Variants in WDR70 observed in about 807,000 individuals in gnomAD.
The protein encoded by WDR70 is WD repeat domain 70.
Under a neutral mutation model 88.6 loss-of-function variants are expected in WDR70, and 53 were observed. That is an observed-to-expected ratio of 0.60 (90% CI 0.48 to 0.75). The LOEUF is 0.75. Ranked by LOEUF, WDR70 falls within the 30% of genes least tolerant of loss-of-function variation. WDR70 has a pLI of 0.00. For missense variants in WDR70, 610 were observed against 823.2 expected (o/e 0.74, Z 3.17); for synonymous variants, 280 against 270.0 (o/e 1.04, Z -0.36).
At chr5:37,419,280 C>T (rs1428517698) in intron 5 of WDR70, among the ~76,000 whole-genome samples, 2 of 150,514 alleles carry the variant, frequency 1.3e-5, no homozygotes, top group African/African-American at 4.9e-5. Flanking sequence ...AATCTTGGCT[C>T]GCTGCAACTT....
chr5:37,733,257 C>A (rs931988700), intron 17 of WDR70, among the ~76,000 whole-genome samples: 4 of 152,110 alleles, frequency 2.6e-5, no homozygotes, highest in Admixed American at 1.3e-4. Flanking sequence ...CTCCTTTACT[C>A]TCTTGTAAGG....
At chr5:37,680,064 T>G (rs926196807) in intron 10 of WDR70, among the ~76,000 whole-genome samples, 9 of 152,350 alleles carry the variant, frequency 5.9e-5, no homozygotes, top group Non-Finnish European at 8.8e-5. Flanking sequence ...ATCGGCTGTT[T>G]TTTGACTTTT....
At chr5:37,501,486 T>A (rs1340023830) in intron 8 of WDR70, among the ~76,000 whole-genome samples, 3 of 152,144 alleles carry the variant, frequency 2.0e-5, no homozygotes, top group Non-Finnish European at 4.4e-5. Flanking sequence ...TATATTAACA[T>A]GGTAGCTGAT....
At chr5:37,604,259 T>C (rs955710853) in intron 9 of WDR70, among the ~76,000 whole-genome samples, 1 of 152,254 alleles carries the variant, frequency 6.6e-6, no homozygotes, top group Non-Finnish European at 1.5e-5. Context: ...ATTTTTAAAA[T>C]ATATTTTGAC....
chr5:37,693,825 G>A (rs980224856), intron 10 of WDR70, among the ~76,000 whole-genome samples: 1 of 152,180 alleles, frequency 6.6e-6, no homozygotes, highest in Non-Finnish European at 1.5e-5. Flanking sequence ...AACACCAAAA[G>A]CAATGGCAAC....
chr5:37,725,201 C>A, intron 16 of WDR70, 151 bp downstream of exon 16: 1 of 645,042 alleles, frequency 1.6e-6, no homozygotes, highest in Non-Finnish European at 2.7e-6. Flanking sequence ...TTTTTAGTAA[C>A]AGAAAAGCTG....
intron 11 of WDR70, among the ~76,000 whole-genome samples, chr5:37,698,636 G>A (rs556116031): frequency 6.6e-6 from 1 of 152,238 alleles, no homozygotes; most frequent in South Asian, 2.1e-4. Context: ...ATTATGCTAG[G>A]TGCTGGGTGT....
chr5:37,420,963 A>G (rs1561845960), intron 5 of WDR70, among the ~76,000 whole-genome samples: 1 of 152,178 alleles, frequency 6.6e-6, no homozygotes. Flanking sequence ...CATATGCACT[A>G]TAGCACCAAC....
At chr5:37,518,680 C>CTTTTTTTTTTTTTT (rs35818980) in intron 9 of WDR70, among the ~76,000 whole-genome samples, 1 of 123,734 alleles carries the variant, frequency 8.1e-6, no homozygotes, top group Non-Finnish European at 1.7e-5. Context: ...GCACAGATAT[C>CTTTTTTTTTTTTTT]TTTTTTTTTT....
chr5:37,751,414 A>C (rs1331546614), intron 17 of WDR70, among the ~76,000 whole-genome samples: 1 of 152,248 alleles, frequency 6.6e-6, no homozygotes. Flanking sequence ...AACTGGAGAG[A>C]CAGGAATAAT....
At position 37,483,265 on chromosome 5, in the gene WDR70, G is replaced by A. The variant is rs1320383111; in HGVS notation, c.840+3278G>A. 2.0e-5 allele frequency among the ~76,000 whole-genome samples: 3 copies of A among 151,886 alleles called. No homozygotes were observed. In the East Asian group the frequency reaches 5.8e-4, roughly 29 times the overall value. The stretch of plus-strand genomic sequence containing the variant: ...GACCCTGCGGCCTTCCGCAGTGTTT[G>A]TGTCCCTGGGTACTTGAGATTAGGG... On this transcript the variant is annotated intron_variant, in intron 8 of 17. Coordinates refer to ENST00000265107, the MANE Select transcript of WDR70 (RefSeq NM_018034.4).
intron 10 of WDR70, among the ~76,000 whole-genome samples, chr5:37,649,523 G>A (rs1393061158): frequency 1.3e-5 from 2 of 150,212 alleles, no homozygotes; most frequent in Non-Finnish European, 3.0e-5. Flanking sequence ...GAGATGAAGG[G>A]AGGGGGAAGC....
At chr5:37,426,842 A>G (rs1038036355) in intron 5 of WDR70, among the ~76,000 whole-genome samples, 10 of 150,770 alleles carry the variant, frequency 6.6e-5, no homozygotes, top group Non-Finnish European at 1.3e-4. Flanking sequence ...ACTGGAATAC[A>G]GTCACGGCTC....
At chr5:37,383,295 T>C (rs976651879) in intron 3 of WDR70, among the ~76,000 whole-genome samples, 1 of 152,134 alleles carries the variant, frequency 6.6e-6, no homozygotes, top group African/African-American at 2.4e-5. Flanking sequence ...AGGCCTGCTC[T>C]GTCGCCCAGG....
chr5:37,565,692 T>G lies in WDR70; in HGVS notation c.918-39372T>G, dbSNP rs571448869. On this transcript the variant is annotated intron_variant, in intron 9 of 17. Transcript: ENST00000265107. ...GTAGTCCACTGGAATTTAAACATTT[T>G]TTTTAAATGGGTTCATCAAGATGTC... 2.6e-5 allele frequency among the ~76,000 whole-genome samples: 4 copies of G among 152,284 alleles called. No homozygotes were observed. The South Asian group carries it at 8.3e-4, about 32-fold the overall frequency.
At chr5:37,605,609 A>G (rs1366866475) in intron 10 of WDR70, among the ~76,000 whole-genome samples, 1 of 152,186 alleles carries the variant, frequency 6.6e-6, no homozygotes, top group Admixed American at 6.5e-5. Context: ...ATACCCTTTA[A>G]AAGATTTAAG....
chr5:37,709,633 C>G (rs1323634660), intron 13 of WDR70, among the ~76,000 whole-genome samples: 2 of 152,172 alleles, frequency 1.3e-5, no homozygotes, highest in African/African-American at 4.8e-5. Flanking sequence ...TTCTCTGCCC[C>G]TATCTTTTTT....
At chr5:37,641,953 T>G (rs2112543451) in intron 10 of WDR70, among the ~76,000 whole-genome samples, 1 of 152,352 alleles carries the variant, frequency 6.6e-6, no homozygotes, top group Non-Finnish European at 1.5e-5. Flanking sequence ...TAATTAAATG[T>G]TACTTTAAAA....
At chr5:37,526,277 TA>T (rs1741269039) in intron 9 of WDR70, among the ~76,000 whole-genome samples, 1 of 152,190 alleles carries the variant, frequency 6.6e-6, no homozygotes, top group Admixed American at 6.5e-5. Context: ...TCAAAAAGCT[TA>T]TCCACCATGA....
Sources: allele counts gnomAD v4.1 joint callset (sites outside exome capture counted in the v4.1 genomes callset), GRCh38; gene constraint gnomAD v4.1.1; transcripts MANE v1.5; gene names NCBI Gene and HGNC (gene_info 2026-07-23, HGNC 2026-07-21).